Variants in RNF157 observed in about 807,000 individuals in gnomAD.
RNF157 encodes E3 ubiquitin ligase RNF157.
In RNF157, 55 loss-of-function variants were observed where a neutral mutation model predicts 88.3. That is an observed-to-expected ratio of 0.62 (90% CI 0.50 to 0.78). The LOEUF is 0.78. Ranked by LOEUF, RNF157 falls within the 30% of genes least tolerant of loss-of-function variation. The pLI, the probability that RNF157 is intolerant of heterozygous loss-of-function variation, is 0.00. For missense variants in RNF157, 788 were observed against 860.8 expected, an observed-to-expected ratio of 0.92 and a Z score of 1.06; for synonymous variants, 334 against 341.2, an observed-to-expected ratio of 0.98 and a Z score of 0.23.
At position 76,158,375 on chromosome 17, in the gene RNF157, G is replaced by A; in HGVS notation, c.1413+18C>T. On this transcript the variant is annotated intron_variant, in intron 13 of 18. Transcript: ENST00000269391. ...CCTGGAGTACAACACCCAAGAAGAG[G>A]AGAGGAATGTCAATTACCTCTCCGA... 6 of 1,547,298 alleles carry A rather than the reference G, an allele frequency of 3.9e-6. No homozygotes were observed. In the South Asian group the frequency reaches 6.7e-5, roughly 17 times the overall value.
chr17:76,152,289 G>A (rs2068690210), intron 18 of RNF157, 66 bp downstream of exon 18: 2 of 1,037,118 alleles, frequency 1.9e-6, no homozygotes, highest in South Asian at 1.3e-5. Context: ...GTACCAGGGT[G>A]AGAGCAGGGG....
chr17:76,198,493 C>T (rs192397602), intron 2 of RNF157, among the ~76,000 whole-genome samples: 4 of 152,306 alleles, frequency 2.6e-5, no homozygotes, highest in Admixed American at 2.6e-4. Context: ...AATCCACTAG[C>T]TGGCTGCGTC....
intron 2 of RNF157, among the ~76,000 whole-genome samples, chr17:76,210,359 C>T (rs1296795130): frequency 2.6e-5 from 4 of 151,792 alleles, no homozygotes; most frequent in Non-Finnish European, 5.9e-5. Context: ...TTTGGGAGGC[C>T]AAGGTGGGCG....
chr17:76,197,628 G>A (rs2069499253), intron 2 of RNF157, among the ~76,000 whole-genome samples: 1 of 152,148 alleles, frequency 6.6e-6, no homozygotes, highest in African/African-American at 2.4e-5. Context: ...GGAGTGCAGT[G>A]GTGTGAACAT....
intron 1 of RNF157, among the ~76,000 whole-genome samples, chr17:76,229,077 C>T (rs1417550581): frequency 6.6e-6 from 1 of 152,104 alleles, no homozygotes; most frequent in Non-Finnish European, 1.5e-5. Context: ...TCTGGAACAC[C>T]AACCAAACCA....
At chr17:76,148,992 C>T (rs913662661) in intron 18 of RNF157, among the ~76,000 whole-genome samples, 4 of 152,212 alleles carry the variant, frequency 2.6e-5, no homozygotes, top group African/African-American at 4.8e-5. Flanking sequence ...ATCTGCTTAG[C>T]GTGGTCTCGC....
chr17:76,152,692 T>C, intron 17 of RNF157: 1 of 476,016 alleles, frequency 2.1e-6, no homozygotes, highest in Non-Finnish European at 3.8e-6. Context: ...TTCTGTCTGC[T>C]GCTCCCTAAC....
At chr17:76,162,937 G>A in intron 8 of RNF157, 1 of 201,302 alleles carries the variant, frequency 5.0e-6, no homozygotes, top group Non-Finnish European at 9.9e-6. Context: ...CTAGAAAAAG[G>A]ATGGAAGGGC....
In RNF157 at chr17:76,161,422, A is replaced by G; in HGVS notation, c.1065+113T>C. 1.2e-6 allele frequency: 1 copy of G among 829,548 alleles called. No individual in the cohort carries two copies. Among genetic ancestry groups the G allele is most frequent in the Non-Finnish European group, 2.0e-6 (1 of 488,764 alleles). 51.4% of individuals were successfully genotyped at this position (829,548 alleles called of 1,614,324 possible). The stretch of plus-strand genomic sequence containing the variant: ...TCTCAGCCGGCTTGCTAAATACTGC[A>G]GCATGCCCTGGTCTAATTCCTTGCT... On this transcript the variant is annotated intron_variant, in intron 11 of 18. Transcript: ENST00000269391. This position sits in a 1 kb window ranked among gnomAD's most constrained non-coding sequence, Gnocchi z 4.6.
chr17:76,175,390 T>A (rs1468830552), intron 2 of RNF157, among the ~76,000 whole-genome samples: 2 of 152,196 alleles, frequency 1.3e-5, no homozygotes, highest in Non-Finnish European at 2.9e-5. Flanking sequence ...AGTAAGCATA[T>A]TTTTAAGACT....
intron 6 of RNF157, among the ~76,000 whole-genome samples, 184 bp from the exon 7 acceptor site, chr17:76,165,729 G>A (rs2068913178): frequency 6.6e-6 from 1 of 152,042 alleles, no homozygotes; most frequent in South Asian, 2.1e-4. Context: ...CTGGGCTGGA[G>A]TGCGGTGGCA....
chr17:76,166,355 C>CAA (rs1293580980), intron 6 of RNF157, 106 bp downstream of exon 6: 1 of 914,410 alleles, frequency 1.1e-6, no homozygotes, highest in Non-Finnish European at 1.8e-6. Flanking sequence ...CTCACAGTCA[C>CAA]AAACACCCAC....
chr17:76,224,705 T>C (rs1217340678), intron 1 of RNF157, among the ~76,000 whole-genome samples: 1 of 148,452 alleles, frequency 6.7e-6, no homozygotes, highest in Non-Finnish European at 1.5e-5. Context: ...ACACTACTGA[T>C]AGCTGATAAG....
At chr17:76,237,058 G>A (rs548097181) in intron 1 of RNF157, among the ~76,000 whole-genome samples, 17 of 152,298 alleles carry the variant, frequency 1.1e-4, no homozygotes, top group African/African-American at 3.8e-4. Context: ...AGTTTGAACC[G>A]TGTGACTATA....
intron 2 of RNF157, among the ~76,000 whole-genome samples, chr17:76,184,523 T>C (rs555439773): frequency 6.6e-6 from 1 of 152,298 alleles, no homozygotes; most frequent in East Asian, 1.9e-4. Context: ...TGCTGTGAAG[T>C]GAATACAAAT....
rs770052299 is a variant in RNF157, at chr17:76,176,062, T to C, written c.208-2272A>G. Among the ~76,000 whole-genome samples, 2 of 152,322 alleles carry C rather than the reference T, an allele frequency of 1.3e-5. No homozygotes were observed. The highest frequency in any genetic ancestry group is 4.8e-5 in the African/African-American group (2 of 41,568). On this transcript the variant is annotated intron_variant, in intron 2 of 18. Transcript: ENST00000269391. The surrounding 1 kb of genome is among the most constrained non-coding windows in gnomAD (Gnocchi z 4.2). ...CAGGAGAAGCTTGTTCGTGGGCTGCTACCCACCAAAGTTTGTGCCTTGCTG... is the reference window on the plus strand; with the variant it reads ...CAGGAGAAGCTTGTTCGTGGGCTGCCACCCACCAAAGTTTGTGCCTTGCTG...
At chr17:76,225,885 C>G in intron 1 of RNF157, 1 of 1,613,660 alleles carries the variant, frequency 6.2e-7, no homozygotes, top group Non-Finnish European at 8.5e-7. Flanking sequence ...TTGCACTCGC[C>G]AGTGAGAGCC....
Position 76,162,560 on chromosome 17 carries a change from C to G in RNF157, c.784G>C (p.Asp262His), listed in dbSNP as rs139469687. 3.1e-6 allele frequency: 5 copies of G among 1,612,362 alleles called. No homozygotes were observed. The East Asian group carries it at 1.1e-4, about 36-fold the overall frequency. ...TTTTGGGTAAAACTTACCTTAGAAT[C>G]TTGTGTGTTGTACTTGTTTTCAATT... ...YGIENKYNTQ[D>H]SKVAEDEVSD... Residue 262 changes from aspartate (D) to histidine (H), a missense_variant, in exon 9 of 19, where the codon GAT becomes CAT. Transcript: ENST00000269391.
At chr17:76,158,257 C>G (rs2068795111) in intron 13 of RNF157, 136 bp downstream of exon 13, 2 of 679,946 alleles carry the variant, frequency 2.9e-6, no homozygotes, top group Non-Finnish European at 2.7e-6. Flanking sequence ...TCCAGTGAAA[C>G]CTTTGCCACT....
Sources: gnomAD v4.1 joint callset for allele counts (sites outside exome capture counted in the v4.1 genomes callset) on GRCh38, gnomAD v4.1.1 for gene constraint, Gnocchi (gnomAD v3.1) non-coding constraint, MANE v1.5 for transcripts, NCBI Gene and HGNC (gene_info 2026-07-23, HGNC 2026-07-21) for gene names.